The following SLC24A2 variants were observed in gnomAD, a reference collection of about 807,000 sequenced individuals.
SLC24A2 encodes the protein solute carrier family 24 member 2, also known as sodium/potassium/calcium exchanger 2.
SLC24A2 carries 36 observed loss-of-function variants against 62.0 expected under a neutral mutation model. That is an observed-to-expected ratio of 0.58 (90% CI 0.44 to 0.77). The LOEUF (loss-of-function observed/expected upper bound fraction) is 0.77, where lower values mean the gene tolerates loss of function less well. Ranked by LOEUF, SLC24A2 falls within the 30% of genes least tolerant of loss-of-function variation. SLC24A2 has a pLI of 0.00. For missense variants in SLC24A2, 846 were observed against 817.9 expected (o/e 1.03, Z -0.42); for synonymous variants, 358 against 294.0 (o/e 1.22, Z -2.23).
At chr9:20,137,663 T>G in the SLC24A2 span, among the ~76,000 whole-genome samples, 2 of 152,236 alleles carry the variant, frequency 1.3e-5, no homozygotes, top group African/African-American at 4.8e-5. Flanking sequence ...CCTTTTTATT[T>G]ACCTTGGGTA....
the SLC24A2 span, among the ~76,000 whole-genome samples, chr9:20,098,555 A>T: frequency 6.6e-6 from 1 of 152,230 alleles, no homozygotes; most frequent in Admixed American, 6.5e-5. Flanking sequence ...TGCTCCAAAC[A>T]TAAGAAACTC....
the SLC24A2 span, among the ~76,000 whole-genome samples, chr9:20,058,557 G>T: frequency 6.6e-6 from 1 of 151,190 alleles, no homozygotes; most frequent in African/African-American, 2.4e-5. Context: ...TTCTACAGTG[G>T]AGCATAAGTA....
intron 2 of SLC24A2, among the ~76,000 whole-genome samples, chr9:19,691,917 C>T (rs1820057211): frequency 6.6e-6 from 1 of 152,100 alleles, no homozygotes; most frequent in African/African-American, 2.4e-5. Flanking sequence ...CTCCCCTCTG[C>T]TCAGGGCACT....
intron 2 of SLC24A2, among the ~76,000 whole-genome samples, chr9:19,734,985 G>T (rs972240219): frequency 1.3e-5 from 2 of 151,946 alleles, no homozygotes; most frequent in African/African-American, 4.8e-5. Context: ...AAAAGCAATG[G>T]CAACAAAAGC....
chr9:20,102,015 G>C, the SLC24A2 span, among the ~76,000 whole-genome samples: 10 of 152,300 alleles, frequency 6.6e-5, no homozygotes, highest in Middle Eastern at 3.4e-3. Context: ...GACAGAGACA[G>C]TATCATTCTG....
the SLC24A2 span, among the ~76,000 whole-genome samples, chr9:19,815,871 C>T: frequency 1.3e-5 from 2 of 151,586 alleles, no homozygotes; most frequent in Non-Finnish European, 2.9e-5. Flanking sequence ...TAATTGTAGC[C>T]CATGTAATGG....
the SLC24A2 span, among the ~76,000 whole-genome samples, chr9:20,044,409 C>T: frequency 1.3e-5 from 2 of 152,120 alleles, no homozygotes; most frequent in East Asian, 3.8e-4. Flanking sequence ...TTTGTGAGCA[C>T]AGGATCCCCG....
Position 19,562,130 on chromosome 9 carries a change from T to C in SLC24A2, c.1347+11221A>G, listed in dbSNP as rs952595723. On this transcript the variant is annotated intron_variant, in intron 7 of 10. Coordinates refer to ENST00000341998, the MANE Select transcript of SLC24A2 (RefSeq NM_020344.4). Reference sequence around the variant, plus strand: ...AACTTATGGATGAGACTGATTTCTTTCCATATTGCTGTAGTAAATTGGTTT... The same window carrying C: ...AACTTATGGATGAGACTGATTTCTTCCCATATTGCTGTAGTAAATTGGTTT... Among the ~76,000 whole-genome samples the C allele has an allele frequency of 4.6e-5, 7 of 152,318 alleles. No homozygotes were observed. In the East Asian group the frequency reaches 9.6e-4, roughly 21 times the overall value.
At chr9:20,099,045 C>A in the SLC24A2 span, among the ~76,000 whole-genome samples, 68 of 152,236 alleles carry the variant, frequency 4.5e-4, no homozygotes, top group East Asian at 0.011. Flanking sequence ...GCCTCCACTG[C>A]CAACAGAACA....
chr9:20,041,709 G>C, the SLC24A2 span, among the ~76,000 whole-genome samples: 22 of 152,248 alleles, frequency 1.4e-4, no homozygotes, highest in African/African-American at 5.1e-4. Context: ...TTCAGCCAAA[G>C]GAAAGATGGG....
At chr9:20,126,703 T>C in the SLC24A2 span, among the ~76,000 whole-genome samples, 4 of 152,188 alleles carry the variant, frequency 2.6e-5, no homozygotes, top group Non-Finnish European at 5.9e-5. Context: ...CACTGATCTT[T>C]GTGTTTTCAG....
In SLC24A2 at chr9:19,772,322, T is replaced by A. The variant is rs530490938; in HGVS notation, c.930+13615A>T. ...AAGGAAGAAACAGCTTTAGGGTTGA[T>A]CCAAGGGTCTCAAATCACTCTAGAT... On this transcript the variant is annotated intron_variant, in intron 2 of 10. Coordinates refer to ENST00000341998, the MANE Select transcript of SLC24A2 (RefSeq NM_020344.4). Among the ~76,000 whole-genome samples, 8 of 152,248 alleles carry A rather than the reference T, an allele frequency of 5.3e-5. 1 individual carries two copies. Among genetic ancestry groups the A allele is most frequent in the African/African-American group, 1.9e-4 (8 of 41,540 alleles).
At chr9:19,752,219 G>C (rs192880364) in intron 2 of SLC24A2, among the ~76,000 whole-genome samples, 2 of 152,168 alleles carry the variant, frequency 1.3e-5, no homozygotes, top group Admixed American at 1.3e-4. Flanking sequence ...GATGGAGCTA[G>C]GTAGAACAGG....
the SLC24A2 span, among the ~76,000 whole-genome samples, chr9:20,014,517 T>TATATATGTATATATACAC: frequency 6.7e-6 from 1 of 148,392 alleles, no homozygotes; most frequent in African/African-American, 2.5e-5. Context: ...TATATATATA[T>TATATATGTATATATACAC]ACACACACAC....
At chr9:19,898,390 A>G in the SLC24A2 span, among the ~76,000 whole-genome samples, 1 of 152,194 alleles carries the variant, frequency 6.6e-6, no homozygotes, top group Non-Finnish European at 1.5e-5. Context: ...ACCTTACCAC[A>G]TTTTTCTTCA....
chr9:20,301,914 T>C, the SLC24A2 span, among the ~76,000 whole-genome samples: 1 of 152,166 alleles, frequency 6.6e-6, no homozygotes, highest in Admixed American at 6.5e-5. Context: ...CTCTCCCTCC[T>C]CGCTAAACCC....
chr9:19,616,418 GC>G (rs1384516513), intron 4 of SLC24A2, among the ~76,000 whole-genome samples: 1 of 152,184 alleles, frequency 6.6e-6, no homozygotes, highest in Non-Finnish European at 1.5e-5. Context: ...AGGTCACACA[GC>G]TAGTAAATGC....
At chr9:20,141,505 T>C in the SLC24A2 span, among the ~76,000 whole-genome samples, 1 of 151,810 alleles carries the variant, frequency 6.6e-6, no homozygotes. Flanking sequence ...CTGTGAAGAG[T>C]CTTCTGCTAC....
intron 2 of SLC24A2, among the ~76,000 whole-genome samples, chr9:19,750,192 A>G (rs1243047665): frequency 6.6e-6 from 1 of 152,190 alleles, no homozygotes; most frequent in African/African-American, 2.4e-5. Context: ...GAGGTCCAGA[A>G]TACAGGAAGA....
Sources: gnomAD v4.1 joint callset for allele counts (sites outside exome capture counted in the v4.1 genomes callset) on GRCh38, gnomAD v4.1.1 for gene constraint, MANE v1.5 for transcripts, NCBI Gene and HGNC (gene_info 2026-07-23, HGNC 2026-07-21) for gene names.